GPR174: variants seen among roughly 807,000 people sequenced by gnomAD.
The protein encoded by GPR174 is probable G protein-coupled receptor 174.
GPR174 carries 8 observed loss-of-function variants against 16.5 expected under a neutral mutation model. That is an observed-to-expected ratio of 0.48 (90% CI 0.28 to 0.87). The LOEUF (loss-of-function observed/expected upper bound fraction) is 0.87, where lower values mean the gene tolerates loss of function less well. Among genes scored for constraint, GPR174 ranks in the 40% least tolerant of loss-of-function variants. GPR174 has a pLI of 0.09. For missense variants in GPR174, 214 were observed against 247.5 expected (o/e 0.86, Z 0.91); for synonymous variants, 111 against 94.8 (o/e 1.17, Z -0.99).
At chrX:79,166,513 A>G (rs1437913886) in intron 2 of GPR174, among the ~76,000 whole-genome samples, 2 of 85,044 alleles carry the variant, frequency 2.4e-5, no homozygotes, top group Non-Finnish European at 4.2e-5. Context: ...ATCTCGGCTC[A>G]TTGAAATCTC....
rs765973818 is a variant in GPR174 at position 79,173,814 on chromosome X, G to A, written c.*1805G>A. ...GATGTGTTAAATAAGTTTTCAATAA[G>A]TGTTAAACTGTATTTTAAATAGGGC... On this transcript the variant is annotated 3_prime_UTR_variant, in exon 3 of 3. Transcript: ENST00000645147. 1 of 112,227 alleles carries A rather than the reference G, an allele frequency of 8.9e-6. No homozygotes were observed. The highest frequency in any genetic ancestry group is 1.9e-5 in the Non-Finnish European group (1 of 53,196). 9.2% of individuals were successfully genotyped at this position (112,227 alleles called of 1,213,427 possible).
At chrX:79,147,577 A>G (rs1454275277) in intron 1 of GPR174, among the ~76,000 whole-genome samples, 1 of 106,727 alleles carries the variant, frequency 9.4e-6, no homozygotes, top group Non-Finnish European at 1.9e-5. Context: ...AGACCTGGCC[A>G]TGTACTGGAA....
At chrX:79,152,148 C>T (rs1002560489) in intron 1 of GPR174, among the ~76,000 whole-genome samples, 3 of 111,499 alleles carry the variant, frequency 2.7e-5, no homozygotes, top group Non-Finnish European at 3.8e-5. Context: ...CACAGAGGCT[C>T]TCCTAAACAG....
chrX:79,149,598 A>G (rs1168928928), intron 1 of GPR174, among the ~76,000 whole-genome samples: 1 of 111,811 alleles, frequency 8.9e-6, no homozygotes, highest in Non-Finnish European at 1.9e-5. Flanking sequence ...TATTAGGGTT[A>G]AAAAGAGAAT....
intron 1 of GPR174, among the ~76,000 whole-genome samples, chrX:79,155,628 T>G (rs769518643): frequency 9.0e-6 from 1 of 111,059 alleles, no homozygotes; most frequent in Non-Finnish European, 1.9e-5. Flanking sequence ...CTTAACAATG[T>G]TCCCCAGGAG....
At chrX:79,170,224 C>A (rs374039368) in intron 2 of GPR174, among the ~76,000 whole-genome samples, 1 of 111,482 alleles carries the variant, frequency 9.0e-6, no homozygotes, top group Non-Finnish European at 1.9e-5. Context: ...AGCTCCCAAG[C>A]GTCATTCGTT....
intron 1 of GPR174, among the ~76,000 whole-genome samples, chrX:79,154,658 ACTAAAC>A (rs1354450846): frequency 3.6e-5 from 4 of 110,948 alleles, no homozygotes; most frequent in African/African-American, 1.3e-4. Flanking sequence ...CAAACTTTCT[ACTAAAC>A]TTAGACTGTA....
At chrX:79,161,204 A>G (rs1317401243) in intron 2 of GPR174, among the ~76,000 whole-genome samples, 1 of 112,096 alleles carries the variant, frequency 8.9e-6, no homozygotes, top group African/African-American at 3.2e-5. Context: ...CACCTGACAA[A>G]TACTTAGGTT....
chrX:79,165,024 G>T (rs895521547), intron 2 of GPR174, among the ~76,000 whole-genome samples: 1 of 111,227 alleles, frequency 9.0e-6, no homozygotes, highest in Non-Finnish European at 1.9e-5. Flanking sequence ...ATTACTGAAA[G>T]CTCCATGTGC....
At chrX:79,157,355 A>AGT (rs1921122732) in intron 2 of GPR174, among the ~76,000 whole-genome samples, 1 of 111,968 alleles carries the variant, frequency 8.9e-6, no homozygotes, top group Non-Finnish European at 1.9e-5. Context: ...GTCCAAGGAA[A>AGT]GTGCCTCACT....
chrX:79,151,998 T>G (rs546135010), intron 1 of GPR174, among the ~76,000 whole-genome samples: 78 of 112,045 alleles, frequency 7.0e-4, no homozygotes, highest in African/African-American at 2.3e-3. Context: ...TTATTCTACA[T>G]AATCTAATTT....
At chrX:79,155,600 T>G (rs966180780) in intron 1 of GPR174, among the ~76,000 whole-genome samples, 4 of 111,199 alleles carry the variant, frequency 3.6e-5, no homozygotes, top group African/African-American at 1.3e-4. Flanking sequence ...GGTTTTTACT[T>G]ATGATATCTC....
intron 1 of GPR174, among the ~76,000 whole-genome samples, chrX:79,156,140 G>A (rs981274046): frequency 5.4e-5 from 6 of 112,105 alleles, no homozygotes; most frequent in African/African-American, 1.6e-4. Flanking sequence ...TGGACACATA[G>A]TTTCTTAAAG....
chrX:79,158,009 C>T (rs1337257247), intron 2 of GPR174, among the ~76,000 whole-genome samples: 1 of 107,526 alleles, frequency 9.3e-6, no homozygotes, highest in Non-Finnish European at 1.9e-5. Context: ...ATATCCCCTT[C>T]ATGTGTAACC....
Position 79,144,898 on chromosome X carries a change from C to G in GPR174, c.-973C>G, listed in dbSNP as rs1478298086. 1.9e-5 allele frequency: 2 copies of G among 103,472 alleles called. No individual in the cohort carries two copies. The highest frequency in any genetic ancestry group is 4.0e-5 in the Non-Finnish European group (2 of 50,357). 8.5% of individuals were successfully genotyped at this position (103,472 alleles called of 1,213,427 possible). A position where few individuals can be genotyped will look rare whatever the true frequency, so the allele number is the denominator to read the frequency against. On this transcript the variant is annotated 5_prime_UTR_variant, in exon 1 of 3. Coordinates refer to ENST00000645147, the MANE Select transcript of GPR174 (RefSeq NM_032553.3). ...CTCTCCTGTATTCATTCCTTCCTTC[C>G]TTCCTTCTTCCTTCCTTCCCTCCTT...
intron 1 of GPR174, among the ~76,000 whole-genome samples, chrX:79,153,953 A>C: frequency 8.9e-6 from 1 of 112,213 alleles, no homozygotes; most frequent in Middle Eastern, 4.6e-3. Flanking sequence ...ATACAAAATT[A>C]GTGAAGGTTT....
In GPR174 at chrX:79,153,847, C is replaced by T. The variant is rs182236617; in HGVS notation, c.-653-2975C>T. On this transcript the variant is annotated intron_variant, in intron 1 of 2. Transcript: ENST00000645147. ...AACTTAGGTTCTAGTTCTGATTGTGCCATTAACTTGTTATATAACTCAGGA... is the reference window on the plus strand; with the variant it reads ...AACTTAGGTTCTAGTTCTGATTGTGTCATTAACTTGTTATATAACTCAGGA... Among the ~76,000 whole-genome samples, 240 of 111,590 alleles carry T rather than the reference C, an allele frequency of 2.2e-3. 1 individual carries two copies. Among genetic ancestry groups the T allele is most frequent in the East Asian group, 7.6e-3 (27 of 3,568 alleles).
At chrX:79,157,403 GT>G (rs1293581591) in intron 2 of GPR174, among the ~76,000 whole-genome samples, 3 of 111,941 alleles carry the variant, frequency 2.7e-5, no homozygotes, top group African/African-American at 9.8e-5. Context: ...TTTATGGGCT[GT>G]TTGACCTACT....
At chrX:79,150,588 A>G (rs1301169903) in intron 1 of GPR174, among the ~76,000 whole-genome samples, 1 of 112,079 alleles carries the variant, frequency 8.9e-6, no homozygotes, top group African/African-American at 3.2e-5. Context: ...GCAAAATTTC[A>G]GCACATTAAT....
Sources: allele counts gnomAD v4.1 joint callset (sites outside exome capture counted in the v4.1 genomes callset), GRCh38; gene constraint gnomAD v4.1.1; transcripts MANE v1.5; gene names NCBI Gene and HGNC (gene_info 2026-07-23, HGNC 2026-07-21).